The following GPM6B variants were observed in gnomAD, a reference collection of about 807,000 sequenced individuals.
GPM6B encodes glycoprotein M6B.
Under a neutral mutation model 27.2 loss-of-function variants are expected in GPM6B, and 4 were observed. The observed-to-expected ratio is 0.15, with a 90% CI of 0.07 to 0.34. GPM6B has a LOEUF of 0.34. GPM6B is among the 10% of genes least tolerant of loss of function. The probability of loss-of-function intolerance (pLI) is 1.00; values close to 1 mark genes in which losing one functional copy is unlikely to be tolerated. For synonymous variants in GPM6B, 124 were observed against 103.1 expected (o/e 1.20, Z -1.23); for missense variants, 183 against 261.9 (o/e 0.70, Z 2.08).
intron 1 of GPM6B, among the ~76,000 whole-genome samples, chrX:13,886,304 C>G (rs920268400): frequency 5.4e-5 from 6 of 111,734 alleles, no homozygotes; most frequent in Non-Finnish European, 1.1e-4. Context: ...CAATTGCTAT[C>G]TTTGTAGGCT....
chrX:13,911,722 C>T (rs1569301265), intron 1 of GPM6B, among the ~76,000 whole-genome samples: 1 of 111,976 alleles, frequency 8.9e-6, no homozygotes, highest in East Asian at 2.8e-4. Flanking sequence ...AATAAAATAA[C>T]ACACCAAGAG....
chrX:13,774,122 A>AT, intron 7 of GPM6B: 1 of 756,928 alleles, frequency 1.3e-6, no homozygotes, highest in Non-Finnish European at 1.6e-6. Flanking sequence ...ACAAAACAAA[A>AT]TCCAGATTAA....
At chrX:13,852,307 T>C (rs912703616) in intron 1 of GPM6B, among the ~76,000 whole-genome samples, 2 of 111,709 alleles carry the variant, frequency 1.8e-5, no homozygotes, top group African/African-American at 6.5e-5. Context: ...AAATTAAGTA[T>C]GTAAAATTTT....
chrX:13,937,457 C>G (rs2147087743), intron 1 of GPM6B, among the ~76,000 whole-genome samples: 1 of 111,671 alleles, frequency 9.0e-6, no homozygotes, highest in Admixed American at 9.5e-5. Context: ...AAGCAATTCC[C>G]AAGCCCTCAC....
chrX:13,781,035 T>A lies in GPM6B; in HGVS notation c.526-1046A>T, dbSNP rs1481055825. ...CCAAAAATATTCAGAGAAGCAGATT[T>A]CAGCAGTTCCACCTCCCACTTCCTC... On this transcript the variant is annotated intron_variant, in intron 4 of 7. Transcript: ENST00000316715. 3 of 275,089 alleles carry A rather than the reference T, an allele frequency of 1.1e-5. No individual in the cohort carries two copies. In the Admixed American group the frequency reaches 1.1e-4, roughly 10 times the overall value. The allele number at this position is 275,089 out of a possible 1,213,427, so 22.7% of individuals were successfully genotyped here.
At chrX:13,803,413 G>A (rs2048959899) in intron 2 of GPM6B, among the ~76,000 whole-genome samples, 1 of 110,763 alleles carries the variant, frequency 9.0e-6, no homozygotes, top group Non-Finnish European at 1.9e-5. Flanking sequence ...CTCCTCTCCC[G>A]ACATCCTCTG....
intron 1 of GPM6B, among the ~76,000 whole-genome samples, chrX:13,867,822 G>T (rs1603096057): frequency 8.9e-6 from 1 of 111,762 alleles, no homozygotes; most frequent in East Asian, 2.8e-4. Context: ...AGGTGGTGGT[G>T]GAACAGGCTC....
chrX:13,866,777 G>C (rs758471677), intron 1 of GPM6B, among the ~76,000 whole-genome samples: 30 of 112,024 alleles, frequency 2.7e-4, no homozygotes, highest in African/African-American at 9.1e-4. Context: ...ATGAATTTTA[G>C]CATTATAGTG....
intron 1 of GPM6B, among the ~76,000 whole-genome samples, chrX:13,879,597 A>G (rs2050073464): frequency 8.9e-6 from 1 of 112,620 alleles, no homozygotes; most frequent in Admixed American, 9.4e-5. Flanking sequence ...GAATAGCTTC[A>G]AACACAAAAG....
intron 1 of GPM6B, among the ~76,000 whole-genome samples, chrX:13,814,434 C>G (rs1370425779): frequency 8.9e-6 from 1 of 112,094 alleles, no homozygotes; most frequent in Non-Finnish European, 1.9e-5. Flanking sequence ...GAATAAAATC[C>G]TTTGCTGAAA....
In GPM6B at chrX:13,888,513, C is replaced by T. The variant is rs1444028970; in HGVS notation, c.-198+49814G>A. Among the ~76,000 whole-genome samples, 3 of 111,823 alleles carry T rather than the reference C, an allele frequency of 2.7e-5. No homozygotes were observed. In the East Asian group the frequency reaches 8.4e-4, roughly 31 times the overall value. ...TGTTCAGCGGCTCTGTGCACACTGC[C>T]GCATTATGCCCAGGCTCTCGGCGAG... On this transcript the variant is annotated intron_variant, in intron 1 of 6. Coordinates refer to the GPM6B transcript ENST00000398361.
upstream of GPM6B, among the ~76,000 whole-genome samples, chrX:13,819,929 G>C (rs1306427063): frequency 9.0e-6 from 1 of 111,693 alleles, no homozygotes; most frequent in East Asian, 2.8e-4. Context: ...AAGAGGAACG[G>C]AAAGAGTTCT....
In GPM6B at chrX:13,909,120, C is replaced by CTTTTTTT. The variant is rs368081524; in HGVS notation, c.-198+29200_-198+29206dup. 3.4e-3 allele frequency among the ~76,000 whole-genome samples: 238 copies of CTTTTTTT among 69,820 alleles called. 3 individuals are homozygous for CTTTTTTT. The highest frequency in any genetic ancestry group is 0.014 in the African/African-American group (221 of 16,003). 60.6% of individuals were successfully genotyped at this position (69,820 alleles called of 115,157 possible). ...TCTAATCTGCCCTATTGTTCATATCCTTTTTTTTTTTTTTTTTTTTTTGGA... is the reference window on the plus strand; with the variant it reads ...TCTAATCTGCCCTATTGTTCATATCCTTTTTTTTTTTTTTTTTTTTTTTTTTTTTGGA... On this transcript the variant is annotated intron_variant, in intron 1 of 6. Transcript: ENST00000398361.
intron 1 of GPM6B, among the ~76,000 whole-genome samples, chrX:13,827,905 C>T (rs1046856319): frequency 2.7e-5 from 3 of 111,479 alleles, no homozygotes; most frequent in Non-Finnish European, 3.8e-5. Context: ...CAGGAGTTGA[C>T]GTCATCTTTC....
chrX:13,777,276 G>A (rs1242824616), intron 6 of GPM6B, 76 bp downstream of exon 6: 16 of 708,449 alleles, frequency 2.3e-5, no homozygotes, highest in Non-Finnish European at 3.2e-5. Flanking sequence ...CATCTCTCTC[G>A]CTCTTTCTAC....
chrX:13,938,552 G>C (rs2147089419), upstream of GPM6B: 6 of 854,160 alleles, frequency 7.0e-6, no homozygotes, highest in East Asian at 4.1e-5. Context: ...CGGGGCGTTC[G>C]GGCTCCCCGG....
chrX:13,861,047 T>TATACATATATATACAC (rs2049842797), intron 1 of GPM6B, among the ~76,000 whole-genome samples: 2 of 55,508 alleles, frequency 3.6e-5, no homozygotes, highest in Non-Finnish European at 5.8e-5. Context: ...CACACACATA[T>TATACATATATATACAC]ATACATATAT....
intron 1 of GPM6B, among the ~76,000 whole-genome samples, chrX:13,923,072 A>G (rs1921009544): frequency 9.0e-6 from 1 of 111,309 alleles, no homozygotes; most frequent in Non-Finnish European, 1.9e-5. Flanking sequence ...GCTACTTGGG[A>G]GGCTGAGGCA....
At chrX:13,873,145 C>T (rs368369071) in intron 1 of GPM6B, among the ~76,000 whole-genome samples, 1,822 of 37,553 alleles carry the variant, frequency 0.049, 59 homozygotes, top group African/African-American at 0.15. Context: ...TGGAGAATAG[C>T]GTAAGGAATT....
Sources: gnomAD v4.1 joint callset for allele counts (sites outside exome capture counted in the v4.1 genomes callset) on GRCh38, gnomAD v4.1.1 for gene constraint, MANE v1.5 for transcripts, NCBI Gene and HGNC (gene_info 2026-07-23, HGNC 2026-07-21) for gene names.